PIK3R2: variants seen among roughly 807,000 people sequenced by gnomAD.
PIK3R2 encodes the protein phosphatidylinositol 3-kinase regulatory subunit beta.
In PIK3R2, 40 loss-of-function variants were observed where a neutral mutation model predicts 78.5. That is an observed-to-expected ratio of 0.51 (90% CI 0.40 to 0.66). The LOEUF (loss-of-function observed/expected upper bound fraction) is 0.66. Among genes scored for constraint, PIK3R2 ranks in the 30% least tolerant of loss-of-function variants. PIK3R2 has a pLI of 0.00. For missense variants in PIK3R2, 880 were observed against 1,026.6 expected (o/e 0.86, Z 1.95); for synonymous variants, 473 against 457.7 (o/e 1.03, Z -0.43).
At chr19:18,154,715 A>C (rs1394313601) in intron 1 of PIK3R2, among the ~76,000 whole-genome samples, 2 of 151,986 alleles carry the variant, frequency 1.3e-5, no homozygotes, top group Non-Finnish European at 2.9e-5. Flanking sequence ...CTCCTGGCCT[A>C]CTGCACGGCC....
rs141838320 is a variant in PIK3R2 at position 18,166,184 on chromosome 19, A to G, written c.1441A>G (p.Ile481Val). 1.2e-6 allele frequency: 2 copies of G among 1,613,938 alleles called. No homozygotes were observed. The highest frequency in any genetic ancestry group is 1.7e-6 in the Non-Finnish European group (2 of 1,179,856). The change falls in exon 12 of 16, where the codon ATT (isoleucine) becomes GTT (valine). Residue 481 changes from isoleucine to valine, a missense_variant. Coordinates refer to ENST00000222254, the MANE Select transcript of PIK3R2 (RefSeq NM_005027.4). Reference sequence around the variant, plus strand: ...GGAGCTGCAGATGAAGCGTACTGCAATTGAGGCCTTCAATGAGACTATCAA... The same window carrying G: ...GGAGCTGCAGATGAAGCGTACTGCAGTTGAGGCCTTCAATGAGACTATCAA... ...SQELQMKRTA[I>V]EAFNETIKIF...
In PIK3R2 at chr19:18,167,388, T is replaced by C. The variant is rs2043820655; in HGVS notation, c.1736+82T>C. 2.4e-6 allele frequency: 3 copies of C among 1,243,576 alleles called. No homozygotes were observed. Among genetic ancestry groups the C allele is most frequent in the Non-Finnish European group, 3.3e-6 (3 of 922,566 alleles). 77.0% of individuals were successfully genotyped at this position (1,243,576 alleles called of 1,614,324 possible). Reference sequence around the variant, plus strand: ...AGATCTCTCTAGGAGTCTCAGTCTCTCTCTCTCCACCAAGTGGCCCTTCCT... The same window carrying C: ...AGATCTCTCTAGGAGTCTCAGTCTCCCTCTCTCCACCAAGTGGCCCTTCCT... On this transcript the variant is annotated intron_variant, in intron 13 of 15. Coordinates refer to ENST00000222254, the MANE Select transcript of PIK3R2 (RefSeq NM_005027.4). The surrounding 1 kb of genome is among the most constrained non-coding windows in gnomAD (Gnocchi z 4.5).
chr19:18,155,206 A>AC (rs954678239), intron 1 of PIK3R2, among the ~76,000 whole-genome samples: 4 of 151,500 alleles, frequency 2.6e-5, no homozygotes, highest in East Asian at 1.9e-4. Context: ...CAAAAAAAAA[A>AC]AAAAAAAAAA....
chr19:18,160,913 C>T lies in PIK3R2; in HGVS notation c.416-6C>T. 1 of 1,606,324 alleles carries T rather than the reference C, an allele frequency of 6.2e-7. No homozygotes were observed. Among genetic ancestry groups the T allele is most frequent in the Non-Finnish European group, 8.5e-7 (1 of 1,176,980 alleles). On this transcript the variant is annotated splice_region_variant and splice_polypyrimidine_tract_variant and intron_variant, in intron 3 of 15. Coordinates refer to ENST00000222254, the MANE Select transcript of PIK3R2 (RefSeq NM_005027.4). ...GAGCTGACTCGCCTGTCCCCTTCAC[C>T]CCCAGGGCTGGACAGCGAATCTCAC...
At position 18,167,889 on chromosome 19, in the gene PIK3R2, C is replaced by T. The variant is rs541092176; in HGVS notation, c.1736+583C>T. ...AGAAAAGAAAAGAAAAAAAAAATCG[C>T]CTGCTGTGCAACCTACCATGCTGGG... On this transcript the variant is annotated intron_variant, in intron 13 of 15. Coordinates refer to ENST00000222254, the MANE Select transcript of PIK3R2 (RefSeq NM_005027.4). This position sits in a 1 kb window ranked among gnomAD's most constrained non-coding sequence, Gnocchi z 4.5. Among the ~76,000 whole-genome samples, 209 of 152,132 alleles carry T rather than the reference C, an allele frequency of 1.4e-3. No homozygotes were observed. Among genetic ancestry groups the T allele is most frequent in the Admixed American group, 2.9e-3 (44 of 15,258 alleles).
In PIK3R2 at chr19:18,167,011, C is replaced by A; in HGVS notation, c.1560-119C>A. ...GTTAGCCAGACATGGTGGTGCACACCTGTGGTCCCAGCTACTCGGGAGGCT... is the reference window on the plus strand; with the variant it reads ...GTTAGCCAGACATGGTGGTGCACACATGTGGTCCCAGCTACTCGGGAGGCT... On this transcript the variant is annotated intron_variant, in intron 12 of 15. Transcript: ENST00000222254. This position sits in a 1 kb window ranked among gnomAD's most constrained non-coding sequence, Gnocchi z 4.5. The A allele has an allele frequency of 1.3e-6, 1 of 749,994 alleles. No homozygotes were observed. The highest frequency in any genetic ancestry group is 2.1e-6 in the Non-Finnish European group (1 of 480,100). 46.5% of individuals were successfully genotyped at this position (749,994 alleles called of 1,614,324 possible).
intron 12 of PIK3R2, among the ~76,000 whole-genome samples, chr19:18,166,722 A>AG (rs1435186306): frequency 1.8e-4 from 27 of 151,566 alleles, no homozygotes; most frequent in Non-Finnish European, 2.9e-4. Context: ...AAAAAAAAAA[A>AG]AAAGAAATGG....
chr19:18,157,707 C>G (rs1432405244), intron 2 of PIK3R2, among the ~76,000 whole-genome samples: 1 of 152,002 alleles, frequency 6.6e-6, no homozygotes, highest in Non-Finnish European at 1.5e-5. Context: ...GAGTGTCACC[C>G]ACCTCCACCT....
chr19:18,169,043 G>T (rs375067781), intron 15 of PIK3R2, 44 bp from the exon 16 acceptor site: 3 of 1,583,552 alleles, frequency 1.9e-6, no homozygotes, highest in Non-Finnish European at 2.6e-6. Context: ...AAAGCTTGGC[G>T]GGGAGGCCAG....
intron 12 of PIK3R2, 109 bp downstream of exon 12, chr19:18,166,411 C>G: frequency 1.1e-6 from 1 of 902,438 alleles, no homozygotes. Context: ...AAAGAGTAGT[C>G]TGTTGAAATG....
At chr19:18,158,726 GT>G (rs1387809918) in intron 2 of PIK3R2, among the ~76,000 whole-genome samples, 1 of 152,230 alleles carries the variant, frequency 6.6e-6, no homozygotes, top group Non-Finnish European at 1.5e-5. Context: ...TGCACAGCAG[GT>G]TGTGGCAGAG....
chr19:18,161,486 C>A lies in PIK3R2; in HGVS notation c.806C>A (p.Ala269Asp). The A allele has an allele frequency of 8.7e-7, 1 of 1,145,866 alleles. No individual in the cohort carries two copies. The highest frequency in any genetic ancestry group is 1.1e-6 in the Non-Finnish European group (1 of 917,912). 71.0% of individuals were successfully genotyped at this position (1,145,866 alleles called of 1,614,324 possible). A position where few individuals can be genotyped will look rare whatever the true frequency, so the allele number is the denominator to read the frequency against. Residue 269 changes from alanine (A) to aspartate (D), a missense_variant, in exon 6 of 16, where the codon GCT (alanine) becomes GAT (aspartate). Physicochemically the swap from Ala to Asp is moderately radical, Grantham distance 126. Around this residue, in one of 3 missense-constraint regions of PIK3R2, gnomAD observed 456 missense variants for 486.6 expected, o/e 0.94. Coordinates refer to ENST00000222254, the MANE Select transcript of PIK3R2 (RefSeq NM_005027.4). The surrounding 1 kb of genome is among the most constrained non-coding windows in gnomAD (Gnocchi z 5.3). ...CCGTCCTCGCCGCCGCCAGGGGGCGCTCCCGACGGGTGAGGGGCGGGGCGG... is the reference window on the plus strand; with the variant it reads ...CCGTCCTCGCCGCCGCCAGGGGGCGATCCCGACGGGTGAGGGGCGGGGCGG... ...PPPSSPPPGG[A>D]PDGSEPSPDF...
In PIK3R2 at chr19:18,168,800, A is replaced by G. The variant is rs752214616; in HGVS notation, c.1883A>G (p.Asn628Ser). The G allele has an allele frequency of 6.2e-7, 1 of 1,613,816 alleles. No homozygotes were observed. Among genetic ancestry groups the G allele is most frequent in the Admixed American group, 1.7e-5 (1 of 59,994 alleles). Residue 628 changes from asparagine (N) to serine (S), a missense_variant, in exon 15 of 16, where the codon AAC becomes AGC. Around this residue, in one of 3 missense-constraint regions of PIK3R2, gnomAD observed 268 missense variants for 299.1 expected, o/e 0.90. Transcript: ENST00000222254. This position sits in a 1 kb window ranked among gnomAD's most constrained non-coding sequence, Gnocchi z 4.1. ...EERTWYVGKI[N>S]RTQAEEMLSG... The stretch of plus-strand genomic sequence containing the variant: ...CGCACTTGGTACGTGGGCAAGATCA[A>G]CCGCACGCAGGCAGAGGAGATGCTG...
In PIK3R2 at chr19:18,162,393, T is replaced by C; in HGVS notation, c.1011-15T>C. The C allele has an allele frequency of 1.2e-6, 2 of 1,612,132 alleles. No individual in the cohort carries two copies. Among genetic ancestry groups the C allele is most frequent in the Non-Finnish European group, 1.7e-6 (2 of 1,178,794 alleles). On this transcript the variant is annotated splice_polypyrimidine_tract_variant and intron_variant, in intron 8 of 15. Coordinates refer to ENST00000222254, the MANE Select transcript of PIK3R2 (RefSeq NM_005027.4). ...CCAGGTGGCTCGGCAGTCCCAATGT[T>C]GGATGTTCCCACAGGGAGGAGGTGA...
At position 18,161,477 on chromosome 19, in the gene PIK3R2, C is replaced by T; in HGVS notation, c.797C>T (p.Pro266Leu). 8.7e-7 allele frequency: 1 copy of T among 1,155,682 alleles called. No individual in the cohort carries two copies. The highest frequency in any genetic ancestry group is 1.1e-6 in the Non-Finnish European group (1 of 935,532). 71.6% of individuals were successfully genotyped at this position (1,155,682 alleles called of 1,614,324 possible). The change falls in exon 6 of 16, where the codon CCA (proline) becomes CTA (leucine). Residue 266 changes from proline (P) to leucine (L), a missense_variant. Pro to Leu is a moderately conservative substitution (Grantham distance 98). This residue lies in a region of PIK3R2 where 456 missense variants were observed against 486.6 expected (regional missense o/e 0.94). Transcript: ENST00000222254. This position sits in a 1 kb window ranked among gnomAD's most constrained non-coding sequence, Gnocchi z 5.3. The stretch of plus-strand genomic sequence containing the variant: ...CCGCCGCCGCCGTCCTCGCCGCCGC[C>T]AGGGGGCGCTCCCGACGGGTGAGGG... ...RAPPPPSSPPPGGAPDGSEPS... is the reference protein window; with the variant it reads ...RAPPPPSSPPLGGAPDGSEPS...
In PIK3R2 at chr19:18,156,176, G is replaced by A; in HGVS notation, c.297G>A (p.Arg99=). The change falls in exon 2 of 16, where the codon AGG becomes AGA. Residue 99 remains arginine, a synonymous_variant. Transcript: ENST00000222254. This position sits in a 1 kb window ranked among gnomAD's most constrained non-coding sequence, Gnocchi z 4.2. ...RPRGPRPLPA[R]PRDGAPEPGL... Reference sequence around the variant, plus strand: ...GGGGCCCCCGCCCACTGCCCGCCAGGCCCCGTGATGGGGCCCCTGAGCCAG... The same window carrying A: ...GGGGCCCCCGCCCACTGCCCGCCAGACCCCGTGATGGGGCCCCTGAGCCAG... 1 of 1,455,628 alleles carries A rather than the reference G, an allele frequency of 6.9e-7. No homozygotes were observed. The highest frequency in any genetic ancestry group is 9.0e-7 in the Non-Finnish European group (1 of 1,109,552). The allele number at this position is 1,455,628 out of a possible 1,614,324, so 90.2% of individuals were successfully genotyped here. A position where few individuals can be genotyped will look rare whatever the true frequency, so the allele number is the denominator to read the frequency against.
chr19:18,160,788 C>T, intron 3 of PIK3R2, 131 bp from the exon 4 acceptor site: 2 of 1,170,122 alleles, frequency 1.7e-6, no homozygotes, highest in Non-Finnish European at 2.5e-6. Context: ...CCAGTTCTCC[C>T]TCCCCACCCC....
chr19:18,157,820 C>T (rs914492496), intron 2 of PIK3R2, among the ~76,000 whole-genome samples: 2 of 151,758 alleles, frequency 1.3e-5, no homozygotes, highest in Admixed American at 1.3e-4. Flanking sequence ...CAGGGAGGCC[C>T]CGCAGGCCCC....
intron 1 of PIK3R2, among the ~76,000 whole-genome samples, chr19:18,154,159 C>T (rs545034133): frequency 6.6e-4 from 100 of 152,266 alleles, no homozygotes; most frequent in African/African-American, 2.4e-3. Flanking sequence ...TGTGATGATC[C>T]ATTCTCTAGA....
Sources: allele counts gnomAD v4.1 joint callset (sites outside exome capture counted in the v4.1 genomes callset), GRCh38; gene constraint gnomAD v4.1.1; regional missense constraint gnomAD v4.1.1; non-coding constraint Gnocchi (gnomAD v3.1); transcripts MANE v1.5; gene names NCBI Gene and HGNC (gene_info 2026-07-23, HGNC 2026-07-21).